The following CFAP44 variants were observed in gnomAD, a reference collection of about 807,000 sequenced individuals.
CFAP44 encodes the protein cilia- and flagella-associated protein 44.
A neutral mutation model predicts 216.2 loss-of-function variants in CFAP44; 134 were observed. The ratio of observed to expected loss-of-function variants is 0.62; its 90% confidence interval spans 0.54 to 0.72. The LOEUF (loss-of-function observed/expected upper bound fraction) is 0.72, where lower values mean the gene tolerates loss of function less well. Among genes scored for constraint, CFAP44 ranks in the 30% least tolerant of loss-of-function variants. CFAP44 has a pLI of 0.00. For synonymous variants in CFAP44, 700 were observed against 727.6 expected (o/e 0.96, Z 0.61); for missense variants, 2,035 against 2,182.1 (o/e 0.93, Z 1.34).
At chr3:113,404,809 A>C (rs550876931) in intron 8 of CFAP44, among the ~76,000 whole-genome samples, 1 of 152,314 alleles carries the variant, frequency 6.6e-6, no homozygotes, top group East Asian at 1.9e-4. Flanking sequence ...ATTGAAGCAC[A>C]AAACAGTTAA....
intron 15 of CFAP44, among the ~76,000 whole-genome samples, chr3:113,383,376 A>G (rs147266799): frequency 1.3e-5 from 2 of 151,974 alleles, no homozygotes; most frequent in East Asian, 3.9e-4. Flanking sequence ...GAGAGAAGAA[A>G]CTCTGGTCTC....
chr3:113,424,520 A>G (rs546584534), intron 4 of CFAP44, among the ~76,000 whole-genome samples: 1 of 152,326 alleles, frequency 6.6e-6, no homozygotes, highest in East Asian at 1.9e-4. Flanking sequence ...GTTAATTAAA[A>G]GAGTACTTAG....
At position 113,288,276 on chromosome 3, in the gene CFAP44, C is replaced by A. The variant is rs1482257833; in HGVS notation, c.*3281G>T. On this transcript the variant is annotated 3_prime_UTR_variant, in exon 35 of 35. Coordinates refer to ENST00000393845, the MANE Select transcript of CFAP44 (RefSeq NM_001164496.2). ...TCTGCTGGCCAAAATAAGTATAGCA[C>A]CTGCTATTCCTGACTTCTGCATCCT... 6.6e-6 allele frequency: 1 copy of A among 152,156 alleles called. No homozygotes were observed. The highest frequency in any genetic ancestry group is 1.5e-5 in the Non-Finnish European group (1 of 68,038). The allele number at this position is 152,156 out of a possible 1,614,324, so 9.4% of individuals were successfully genotyped here.
At chr3:113,295,419 C>T (rs1949871100) in intron 33 of CFAP44, among the ~76,000 whole-genome samples, 1 of 152,198 alleles carries the variant, frequency 6.6e-6, no homozygotes, top group Non-Finnish European at 1.5e-5. Flanking sequence ...AGGCTTCCAA[C>T]AAATTATTTT....
At chr3:113,313,613 C>T (rs535146844) in intron 28 of CFAP44, among the ~76,000 whole-genome samples, 59 of 152,212 alleles carry the variant, frequency 3.9e-4, no homozygotes, top group African/African-American at 1.3e-3. Flanking sequence ...CCCGTAATTC[C>T]CACATGTTGT....
At chr3:113,419,136 G>A (rs1328349509) in intron 5 of CFAP44, among the ~76,000 whole-genome samples, 1 of 152,140 alleles carries the variant, frequency 6.6e-6, no homozygotes, top group Non-Finnish European at 1.5e-5. Context: ...GTGATAATTA[G>A]ATGTTTCTTG....
chr3:113,362,853 C>T, intron 21 of CFAP44: 1 of 1,138,846 alleles, frequency 8.8e-7, no homozygotes, highest in Non-Finnish European at 1.1e-6. Flanking sequence ...TAAAAGAAAA[C>T]TTAAAAGAAC....
chr3:113,350,035 G>A (rs1275219077), intron 22 of CFAP44, among the ~76,000 whole-genome samples: 1 of 152,190 alleles, frequency 6.6e-6, no homozygotes, highest in Non-Finnish European at 1.5e-5. Flanking sequence ...ATATCACAAG[G>A]AAACCATGGA....
chr3:113,359,250 G>A (rs1313994913), intron 21 of CFAP44, among the ~76,000 whole-genome samples: 2 of 152,098 alleles, frequency 1.3e-5, no homozygotes, highest in Non-Finnish European at 2.9e-5. Context: ...CATCCCCCCT[G>A]GTGTGACCCC....
intron 19 of CFAP44, 114 bp from the exon 20 acceptor site, chr3:113,363,646 A>G (rs1950562433): frequency 1.1e-6 from 1 of 894,090 alleles, no homozygotes; most frequent in African/African-American, 1.7e-5. Flanking sequence ...TTTTTCTGCC[A>G]ATTTCTAATA....
chr3:113,353,988 T>C (rs1210235913), intron 22 of CFAP44, among the ~76,000 whole-genome samples: 3 of 152,046 alleles, frequency 2.0e-5, no homozygotes, highest in African/African-American at 7.2e-5. Context: ...CATAGGATAT[T>C]CTGCTCAGAA....
chr3:113,316,784 G>A (rs926584859), intron 28 of CFAP44, among the ~76,000 whole-genome samples: 3 of 151,526 alleles, frequency 2.0e-5, no homozygotes, highest in African/African-American at 7.3e-5. Context: ...CACAAGAATT[G>A]CTTGAATCTG....
chr3:113,370,589 T>G (rs971306721), intron 18 of CFAP44, among the ~76,000 whole-genome samples: 2 of 152,128 alleles, frequency 1.3e-5, no homozygotes, highest in African/African-American at 2.4e-5. Flanking sequence ...CTCAAAATGA[T>G]AAGAGCTATT....
chr3:113,424,218 A>G (rs1934898272), intron 4 of CFAP44, among the ~76,000 whole-genome samples: 1 of 152,096 alleles, frequency 6.6e-6, no homozygotes, highest in Admixed American at 6.5e-5. Flanking sequence ...CGGGCAGATC[A>G]CGAGGTCAGG....
Position 113,320,365 on chromosome 3 carries a change from C to T in CFAP44, c.4516+6080G>A, listed in dbSNP as rs537476798. 1.2e-3 allele frequency among the ~76,000 whole-genome samples: 172 copies of T among 146,294 alleles called. 1 individual carries two copies. Among genetic ancestry groups the T allele is most frequent in the Non-Finnish European group, 2.1e-3 (142 of 66,800 alleles). On this transcript the variant is annotated intron_variant, in intron 28 of 34. Transcript: ENST00000393845. The stretch of plus-strand genomic sequence containing the variant: ...CCTGAATCTCAAGATATCCCAGTGT[C>T]TCCAGGGCTGTGGTGCACAGCTCAA...
intron 15 of CFAP44, among the ~76,000 whole-genome samples, chr3:113,387,852 C>T (rs1436665292): frequency 2.6e-5 from 4 of 152,056 alleles, no homozygotes; most frequent in East Asian, 1.9e-4. Context: ...CAGCATTCGC[C>T]ACAAGCTGAC....
intron 15 of CFAP44, among the ~76,000 whole-genome samples, chr3:113,388,654 C>T (rs1345809815): frequency 2.0e-5 from 3 of 152,142 alleles, no homozygotes; most frequent in African/African-American, 7.2e-5. Context: ...AGAAACACAC[C>T]TCATCTATAA....
chr3:113,373,259 TTTTA>T (rs1330111230), intron 18 of CFAP44, 148 bp downstream of exon 18: 2 of 683,054 alleles, frequency 2.9e-6, no homozygotes, highest in Admixed American at 4.2e-5. Context: ...TTAGCTTTGA[TTTTA>T]TTTATTCATT....
rs2107782652 is a variant in CFAP44, at chr3:113,290,098, AT to A, written c.*1458del. The stretch of plus-strand genomic sequence containing the variant: ...AGTTTGGGGGTAATTTTTTACCGCA[AT>A]AAATAAGACACTCAGGGCTATGACT... On this transcript the variant is annotated 3_prime_UTR_variant, in exon 35 of 35. Coordinates refer to ENST00000393845, the MANE Select transcript of CFAP44 (RefSeq NM_001164496.2). 1 of 152,350 alleles carries A rather than the reference AT, an allele frequency of 6.6e-6. No homozygotes were observed. Among genetic ancestry groups the A allele is most frequent in the Non-Finnish European group, 1.5e-5 (1 of 68,026 alleles). 9.4% of individuals were successfully genotyped at this position (152,350 alleles called of 1,614,324 possible).
Sources: gnomAD v4.1 joint callset for allele counts (sites outside exome capture counted in the v4.1 genomes callset) on GRCh38, gnomAD v4.1.1 for gene constraint, MANE v1.5 for transcripts, NCBI Gene and HGNC (gene_info 2026-07-23, HGNC 2026-07-21) for gene names.